Variants in THRB observed in about 807,000 individuals in gnomAD.
THRB encodes the protein thyroid hormone receptor beta.
A neutral mutation model predicts 47.8 loss-of-function variants in THRB; 12 were observed. That is an observed-to-expected ratio of 0.25 (90% CI 0.16 to 0.41). THRB has a LOEUF of 0.41. THRB is among the 10% of genes least tolerant of loss of function. The pLI is 1.00. For missense variants in THRB, 348 were observed against 589.2 expected, an observed-to-expected ratio of 0.59 and a Z score of 4.24; for synonymous variants, 218 against 212.2, an observed-to-expected ratio of 1.03 and a Z score of -0.24.
At chr3:24,287,180 T>G (rs542200333) in intron 3 of THRB, among the ~76,000 whole-genome samples, 3 of 152,294 alleles carry the variant, frequency 2.0e-5, no homozygotes, top group African/African-American at 7.2e-5. Flanking sequence ...TTCTTTCCTT[T>G]GCCACTGAAT....
chr3:24,467,635 T>G (rs763312448), intron 1 of THRB, among the ~76,000 whole-genome samples: 15 of 152,220 alleles, frequency 9.9e-5, no homozygotes, highest in Non-Finnish European at 1.9e-4. Context: ...GGTGACTAGA[T>G]GCATTGTCAG....
chr3:24,278,929 T>G (rs936606187), intron 3 of THRB, among the ~76,000 whole-genome samples: 7 of 151,576 alleles, frequency 4.6e-5, no homozygotes, highest in African/African-American at 1.7e-4. Context: ...ACTGCAGCCT[T>G]GAACTCCTGG....
At chr3:24,345,067 T>C (rs1412287514) in intron 1 of THRB, among the ~76,000 whole-genome samples, 1 of 152,138 alleles carries the variant, frequency 6.6e-6, no homozygotes, top group East Asian at 1.9e-4. Context: ...TGGTTGACAA[T>C]GACTGAAAAC....
chr3:24,266,389 G>C (rs572135115), intron 3 of THRB, among the ~76,000 whole-genome samples: 16 of 152,170 alleles, frequency 1.1e-4, no homozygotes, highest in Non-Finnish European at 2.2e-4. Context: ...GAAAGAAAGG[G>C]AGTGGGCCGA....
intron 5 of THRB, among the ~76,000 whole-genome samples, chr3:24,158,234 C>A (rs1051466914): frequency 6.6e-6 from 1 of 152,158 alleles, no homozygotes; most frequent in African/African-American, 2.4e-5. Flanking sequence ...AGAAAGGTAG[C>A]CCTACCTCCC....
chr3:24,198,271 C>T (rs187284771), intron 4 of THRB, among the ~76,000 whole-genome samples: 28 of 152,272 alleles, frequency 1.8e-4, no homozygotes, highest in Admixed American at 1.8e-3. Flanking sequence ...TTGGCTGTTT[C>T]TAAAGGAAAT....
At chr3:24,259,031 C>T (rs1442583568) in intron 3 of THRB, among the ~76,000 whole-genome samples, 3 of 152,192 alleles carry the variant, frequency 2.0e-5, no homozygotes, top group African/African-American at 7.2e-5. Context: ...GAGAAGCTAA[C>T]TTGGCCTCCT....
intron 1 of THRB, among the ~76,000 whole-genome samples, chr3:24,464,328 T>C (rs910582275): frequency 1.3e-5 from 2 of 152,164 alleles, no homozygotes; most frequent in African/African-American, 4.8e-5. Flanking sequence ...AATGCACAGA[T>C]AAAAATAAAT....
chr3:24,267,902 A>G (rs544505861), intron 3 of THRB, among the ~76,000 whole-genome samples: 1 of 152,334 alleles, frequency 6.6e-6, no homozygotes, highest in Non-Finnish European at 1.5e-5. Flanking sequence ...ATGAATTAAC[A>G]AACATCATTG....
chr3:24,485,214 G>A (rs1272351397), intron 1 of THRB, among the ~76,000 whole-genome samples: 2 of 152,200 alleles, frequency 1.3e-5, no homozygotes, highest in African/African-American at 2.4e-5. Flanking sequence ...ATTCAACTAT[G>A]AATAGGCTGT....
intron 1 of THRB, among the ~76,000 whole-genome samples, chr3:24,372,459 A>C (rs1356207362): frequency 6.6e-6 from 1 of 152,246 alleles, no homozygotes; most frequent in African/African-American, 2.4e-5. Context: ...AAGCATGCAC[A>C]ATATGGAGTT....
chr3:24,448,985 T>G (rs2072377266), intron 1 of THRB, among the ~76,000 whole-genome samples: 1 of 152,134 alleles, frequency 6.6e-6, no homozygotes, highest in Non-Finnish European at 1.5e-5. Context: ...CAAGGACAGA[T>G]GTAAGACAGA....
intron 4 of THRB, among the ~76,000 whole-genome samples, chr3:24,226,278 G>C (rs2047644011): frequency 1.3e-5 from 2 of 152,162 alleles, no homozygotes; most frequent in African/African-American, 4.8e-5. Flanking sequence ...CAAGCACTTA[G>C]TTCTGACAGC....
At chr3:24,258,780 G>T (rs1018220601) in intron 3 of THRB, among the ~76,000 whole-genome samples, 2 of 152,098 alleles carry the variant, frequency 1.3e-5, no homozygotes, top group East Asian at 3.9e-4. Flanking sequence ...TTTTCAACAG[G>T]AAGTCATTGA....
chr3:24,426,993 T>C (rs539324374), intron 1 of THRB, among the ~76,000 whole-genome samples: 1 of 152,098 alleles, frequency 6.6e-6, no homozygotes, highest in Non-Finnish European at 1.5e-5. Context: ...AGCTCATCGA[T>C]GCTTGCCAAA....
chr3:24,266,752 T>C (rs747629354), intron 3 of THRB, among the ~76,000 whole-genome samples: 3 of 152,100 alleles, frequency 2.0e-5, no homozygotes, highest in East Asian at 1.9e-4. Flanking sequence ...GATTTTGAGA[T>C]GACATGGAGA....
intron 2 of THRB, among the ~76,000 whole-genome samples, chr3:24,322,200 G>T (rs1163254604): frequency 1.3e-5 from 2 of 152,142 alleles, no homozygotes; most frequent in Non-Finnish European, 2.9e-5. Flanking sequence ...TTGATTTGGA[G>T]AGAAACAATT....
chr3:24,221,432 C>T (rs1317515280), intron 4 of THRB, among the ~76,000 whole-genome samples: 1 of 152,104 alleles, frequency 6.6e-6, no homozygotes, highest in Admixed American at 6.6e-5. Context: ...ATGTGCTGGA[C>T]AGCTCTTGGT....
intron 2 of THRB, among the ~76,000 whole-genome samples, chr3:24,330,541 T>C (rs950194516): frequency 1.3e-5 from 2 of 152,230 alleles, no homozygotes; most frequent in African/African-American, 4.8e-5. Flanking sequence ...TCTCTCTCTC[T>C]CATCTCTCAC....
Sources: gnomAD v4.1 joint callset for allele counts (sites outside exome capture counted in the v4.1 genomes callset) on GRCh38, gnomAD v4.1.1 for gene constraint, MANE v1.5 for transcripts, NCBI Gene and HGNC (gene_info 2026-07-23, HGNC 2026-07-21) for gene names.